The following PTPRD variants were observed in gnomAD, a reference collection of about 807,000 sequenced individuals.
PTPRD encodes the protein protein tyrosine phosphatase receptor type D.
A neutral mutation model predicts 214.5 loss-of-function variants in PTPRD; 34 were observed. The ratio of observed to expected loss-of-function variants is 0.16; its 90% CI spans 0.12 to 0.21. PTPRD has a LOEUF of 0.21. Among genes scored for constraint, PTPRD ranks in the 10% least tolerant of loss-of-function variants. The pLI, the probability that PTPRD is intolerant of heterozygous loss-of-function variation, is 1.00. For synonymous variants in PTPRD, 1,128 were observed against 845.7 expected, an observed-to-expected ratio of 1.33 and a Z score of -5.79; for missense variants, 2,545 against 2,398.7, an observed-to-expected ratio of 1.06 and a Z score of -1.27.
chr9:10,587,706 C>T (rs953554748), intron 2 of PTPRD, among the ~76,000 whole-genome samples: 6 of 151,998 alleles, frequency 3.9e-5, no homozygotes, highest in Non-Finnish European at 7.4e-5. Context: ...CACTTAAGGA[C>T]TAAATTCATA....
At chr9:8,707,390 T>A (rs551979863) in intron 12 of PTPRD, among the ~76,000 whole-genome samples, 1 of 152,358 alleles carries the variant, frequency 6.6e-6, no homozygotes, top group East Asian at 1.9e-4. Context: ...CATGCCCTTT[T>A]GGTCAGCCAG....
chr9:9,039,778 C>A (rs764324271), intron 10 of PTPRD, among the ~76,000 whole-genome samples: 4 of 152,152 alleles, frequency 2.6e-5, no homozygotes, highest in South Asian at 2.1e-4. Context: ...TAAGAGCTTG[C>A]AGAACAGTAA....
intron 8 of PTPRD, among the ~76,000 whole-genome samples, chr9:9,507,464 C>T (rs1021436735): frequency 6.6e-6 from 1 of 150,868 alleles, no homozygotes; most frequent in Non-Finnish European, 1.5e-5. Context: ...AATAAAAATA[C>T]TCAGCTGAAA....
rs1458478323 is a variant in PTPRD at position 8,449,715 on chromosome 9, T to A, written c.3988+10A>T. 6.2e-7 allele frequency: 1 copy of A among 1,612,010 alleles called. No homozygotes were observed. The highest frequency in any genetic ancestry group is 8.5e-7 in the Non-Finnish European group (1 of 1,178,136). On this transcript the variant is annotated intron_variant, in intron 34 of 45. Coordinates refer to ENST00000381196, the MANE Select transcript of PTPRD (RefSeq NM_002839.4). ...GACTGTGTGTGGATTAGATGTGTGA[T>A]GCTTCTTACCCGGTGTTTGAAAGTT...
intron 6 of PTPRD, among the ~76,000 whole-genome samples, chr9:9,756,664 A>G (rs1279887501): frequency 6.6e-6 from 1 of 152,170 alleles, no homozygotes; most frequent in East Asian, 1.9e-4. Context: ...GTTTGTGAAT[A>G]CATTGTGAAT....
intron 7 of PTPRD, among the ~76,000 whole-genome samples, chr9:9,724,003 T>C (rs2098024761): frequency 6.6e-6 from 1 of 152,104 alleles, no homozygotes; most frequent in African/African-American, 2.4e-5. Context: ...TCTTTCTCAA[T>C]TGCCCTGGCT....
Position 8,521,555 on chromosome 9 carries a change from A to C in PTPRD, c.692-9T>G. On this transcript the variant is annotated splice_polypyrimidine_tract_variant and intron_variant, in intron 19 of 45. Transcript: ENST00000381196. ...TGGTGGGACACGGCGAACTGGAACA[A>C]AACACAAGGGAAATGATAACATATA... 1.9e-6 allele frequency: 3 copies of C among 1,611,926 alleles called. No individual in the cohort carries two copies. The highest frequency in any genetic ancestry group is 8.5e-7 in the Non-Finnish European group (1 of 1,178,812).
At chr9:8,590,756 C>T (rs1473012767) in intron 14 of PTPRD, among the ~76,000 whole-genome samples, 1 of 152,094 alleles carries the variant, frequency 6.6e-6, no homozygotes, top group Non-Finnish European at 1.5e-5. Flanking sequence ...CAAGTTTAAC[C>T]AGCTACAAAC....
intron 12 of PTPRD, among the ~76,000 whole-genome samples, chr9:8,655,290 C>T (rs1044942925): frequency 1.3e-5 from 2 of 152,200 alleles, no homozygotes; most frequent in Non-Finnish European, 2.9e-5. Context: ...TCCCCTGCCT[C>T]TTTGGGGAAA....
At chr9:8,785,521 G>A (rs990630160) in intron 11 of PTPRD, among the ~76,000 whole-genome samples, 11 of 152,072 alleles carry the variant, frequency 7.2e-5, no homozygotes, top group African/African-American at 1.7e-4. Flanking sequence ...AATGTGAATC[G>A]CCTTACTATT....
intron 2 of PTPRD, among the ~76,000 whole-genome samples, chr9:10,415,451 T>C (rs1365687917): frequency 6.6e-6 from 1 of 151,932 alleles, no homozygotes; most frequent in African/African-American, 2.4e-5. Flanking sequence ...AGAATGGTTA[T>C]CATTTTAATA....
intron 39 of PTPRD, 152 bp from the exon 40 acceptor site, chr9:8,342,130 A>C: frequency 1.3e-6 from 1 of 769,064 alleles, no homozygotes; most frequent in Non-Finnish European, 1.9e-6. Context: ...CTCTAAAGTC[A>C]AAAGTATTAT....
chr9:10,461,997 C>T (rs2098962489), intron 2 of PTPRD, among the ~76,000 whole-genome samples: 1 of 152,082 alleles, frequency 6.6e-6, no homozygotes, highest in South Asian at 2.1e-4. Context: ...TTACCAGGGT[C>T]AGGCTGTGGG....
chr9:9,373,337 A>G (rs1339683282), intron 9 of PTPRD, among the ~76,000 whole-genome samples: 1 of 152,108 alleles, frequency 6.6e-6, no homozygotes, highest in Non-Finnish European at 1.5e-5. Flanking sequence ...AAAGAAGAGT[A>G]CCTAACACCT....
chr9:9,514,772 C>G (rs144431649), intron 8 of PTPRD, among the ~76,000 whole-genome samples: 1 of 152,078 alleles, frequency 6.6e-6, no homozygotes, highest in East Asian at 1.9e-4. Context: ...TCCTCCTGAC[C>G]GATGGAAGCT....
rs1822767228 is a variant in PTPRD at position 8,317,449 on chromosome 9, G to GGGGC, written c.*421_*424dup. The GGGGC allele has an allele frequency of 4.2e-6, 1 of 239,454 alleles. No homozygotes were observed. The highest frequency in any genetic ancestry group is 8.3e-6 in the Non-Finnish European group (1 of 120,830). The allele number at this position is 239,454 out of a possible 1,614,324, so 14.8% of individuals were successfully genotyped here. A position where few individuals can be genotyped will look rare whatever the true frequency, so the allele number is the denominator to read the frequency against. ...GTTATTATGAGCAGTATGGTGGGAA[G>GGGGC]GGGCGATGTCAAAGCAGAGTCCGTT... On this transcript the variant is annotated 3_prime_UTR_variant, in exon 46 of 46. Transcript: ENST00000381196.
chr9:9,629,643 C>G (rs2095529507), intron 7 of PTPRD, among the ~76,000 whole-genome samples: 1 of 152,190 alleles, frequency 6.6e-6, no homozygotes, highest in Non-Finnish European at 1.5e-5. Context: ...ATAACTTGAT[C>G]TAACAGATAC....
At chr9:8,447,990 C>T (rs1049050155) in intron 34 of PTPRD, among the ~76,000 whole-genome samples, 2 of 152,026 alleles carry the variant, frequency 1.3e-5, no homozygotes, top group Non-Finnish European at 2.9e-5. Flanking sequence ...ATTGAGTTTG[C>T]TAAATTGAAA....
At chr9:8,998,220 G>T (rs1191663076) in intron 11 of PTPRD, among the ~76,000 whole-genome samples, 1 of 152,074 alleles carries the variant, frequency 6.6e-6, no homozygotes, top group Non-Finnish European at 1.5e-5. Flanking sequence ...GATACATCTA[G>T]GGCTTTCAAA....
Sources: allele counts gnomAD v4.1 joint callset (sites outside exome capture counted in the v4.1 genomes callset), GRCh38; gene constraint gnomAD v4.1.1; transcripts MANE v1.5; gene names NCBI Gene and HGNC (gene_info 2026-07-23, HGNC 2026-07-21).